FBXW10: variants seen among roughly 807,000 people sequenced by gnomAD.
FBXW10 encodes F-box/WD repeat-containing protein 10.
FBXW10 carries 68 observed loss-of-function variants against 113.1 expected under a neutral mutation model. That is an observed-to-expected ratio of 0.60 (90% confidence interval 0.49 to 0.74). The LOEUF is 0.74. FBXW10 is among the 30% of genes least tolerant of loss of function. The pLI is 0.00. For missense variants in FBXW10, 753 were observed against 1,284.5 expected, an observed-to-expected ratio of 0.59 and a Z score of 6.32; for synonymous variants, 289 against 481.6, an observed-to-expected ratio of 0.60 and a Z score of 5.24.
At chr17:18,771,944 C>A (rs2035621806) in intron 11 of FBXW10, among the ~76,000 whole-genome samples, 1 of 151,866 alleles carries the variant, frequency 6.6e-6, no homozygotes, top group South Asian at 2.1e-4. Flanking sequence ...CCTGTCGCTA[C>A]TAAAAACACA....
intron 12 of FBXW10, among the ~76,000 whole-genome samples, chr17:18,774,480 C>T (rs1003995191): frequency 5.9e-5 from 9 of 152,264 alleles, no homozygotes; most frequent in Non-Finnish European, 1.0e-4. Context: ...TTTGGTTGCA[C>T]GGTAGGATGA....
At position 18,778,451 on chromosome 17, in the gene FBXW10, A is replaced by T. The variant is rs1373308873; in HGVS notation, c.2336-24A>T. ...ATTTTTCATAGAACGCCGATTTTTT[A>T]AAATTTTCTTTTTTTTGAAAAAGCA... On this transcript the variant is annotated intron_variant, in intron 13 of 13. Transcript: ENST00000395665. The T allele has an allele frequency of 9.4e-6, 15 of 1,588,822 alleles. No individual in the cohort carries two copies. The Middle Eastern group carries it at 5.0e-4, about 53-fold the overall frequency.
At chr17:18,767,968 T>G (rs2035528971) in intron 9 of FBXW10, among the ~76,000 whole-genome samples, 1 of 152,188 alleles carries the variant, frequency 6.6e-6, no homozygotes. Context: ...CTATGTGGAA[T>G]GGACTCCATT....
intron 11 of FBXW10, among the ~76,000 whole-genome samples, chr17:18,770,598 G>A (rs1201409059): frequency 1.3e-5 from 2 of 152,048 alleles, no homozygotes; most frequent in African/African-American, 4.8e-5. Context: ...CACCACGCCC[G>A]GCCTGTTTTG....
chr17:18,758,493 A>T lies in FBXW10; in HGVS notation c.1421A>T (p.Asp474Val). Residue 474 changes from aspartate to valine, a missense_variant, in exon 7 of 14, where the codon GAC becomes GTC. By Grantham distance (152) the Asp-to-Val change is radical (BLOSUM62 -3). Coordinates refer to ENST00000395665, the MANE Select transcript of FBXW10 (RefSeq NM_001267585.2). ...AACTTTCTCCTAAGCGGGAGCTATG[A>T]CCTAAGTATCAGGTGAGGAGTCCAA... ...EENFLLSGSY[D>V]LSIRYWDLKS... 2.5e-6 allele frequency: 4 copies of T among 1,613,250 alleles called. No homozygotes were observed. Among genetic ancestry groups the T allele is most frequent in the Non-Finnish European group, 3.4e-6 (4 of 1,179,702 alleles).
chr17:18,765,893 A>AT (rs751234040), intron 8 of FBXW10, among the ~76,000 whole-genome samples: 138 of 143,362 alleles, frequency 9.6e-4, no homozygotes, highest in Admixed American at 3.1e-3. Context: ...CGCCCAGCTA[A>AT]TTTTTTTTTT....
intron 7 of FBXW10, among the ~76,000 whole-genome samples, chr17:18,759,651 C>T (rs773167803): frequency 2.7e-5 from 4 of 149,226 alleles, no homozygotes; most frequent in Non-Finnish European, 4.4e-5. Context: ...CTCACTGTGT[C>T]ACCCAGGCTG....
At chr17:18,774,416 C>T (rs758801435) in intron 12 of FBXW10, among the ~76,000 whole-genome samples, 2 of 152,172 alleles carry the variant, frequency 1.3e-5, no homozygotes, top group Non-Finnish European at 2.9e-5. Context: ...CGACAATAAA[C>T]AATATGGTGT....
rs1414182569 is a variant in FBXW10, at chr17:18,747,359, G to A, written c.506-582G>A. Among the ~76,000 whole-genome samples, 6 of 152,232 alleles carry A rather than the reference G, an allele frequency of 3.9e-5. No individual in the cohort carries two copies. In the East Asian group the frequency reaches 1.2e-3, roughly 29 times the overall value. On this transcript the variant is annotated intron_variant, in intron 1 of 13. Transcript: ENST00000395665. ...GTGGATCACCTGGAGTCAGGAGTTC[G>A]AGACGAGCCTGGCCAACATGGCGAA...
intron 13 of FBXW10, among the ~76,000 whole-genome samples, chr17:18,776,150 C>G (rs2035694419): frequency 6.6e-6 from 1 of 152,044 alleles, no homozygotes; most frequent in East Asian, 1.9e-4. Context: ...GAAACCCCAT[C>G]TCTACTAAAA....
intron 6 of FBXW10, among the ~76,000 whole-genome samples, chr17:18,757,273 T>C (rs1208973910): frequency 6.6e-6 from 1 of 152,172 alleles, no homozygotes. Flanking sequence ...AACCTCCACC[T>C]CCTGGGCTCA....
intron 6 of FBXW10, among the ~76,000 whole-genome samples, chr17:18,756,936 G>T (rs1304689362): frequency 6.6e-6 from 1 of 152,130 alleles, no homozygotes; most frequent in Non-Finnish European, 1.5e-5. Context: ...AGGCAAAGTT[G>T]AGTTTTTATG....
intron 1 of FBXW10, 34 bp from the exon 2 acceptor site, chr17:18,747,907 A>G (rs1171660258): frequency 6.2e-7 from 1 of 1,613,826 alleles, no homozygotes; most frequent in Non-Finnish European, 8.5e-7. Flanking sequence ...CACCCGCTTC[A>G]AGAGCAACCT....
At chr17:18,768,029 TCC>T (rs1235967315) in intron 9 of FBXW10, among the ~76,000 whole-genome samples, 7 of 63,854 alleles carry the variant, frequency 1.1e-4, no homozygotes, top group African/African-American at 3.5e-4. Flanking sequence ...CTTCCTTTCT[TCC>T]TTCCTTCCTT....
intron 9 of FBXW10, among the ~76,000 whole-genome samples, chr17:18,767,752 T>C (rs2035525056): frequency 6.6e-6 from 1 of 152,058 alleles, no homozygotes; most frequent in Non-Finnish European, 1.5e-5. Context: ...AATCCAGCGG[T>C]TGCAGGCACA....
At chr17:18,750,402 A>C (rs972147151) in intron 4 of FBXW10, among the ~76,000 whole-genome samples, 78 of 151,886 alleles carry the variant, frequency 5.1e-4, no homozygotes, top group Admixed American at 1.2e-3. Flanking sequence ...ACACCTCACA[A>C]AGCAGAGAAC....
In FBXW10 at chr17:18,778,643, G is replaced by A; in HGVS notation, c.2504G>A (p.Cys835Tyr). The A allele has an allele frequency of 6.2e-7, 1 of 1,613,806 alleles. No individual in the cohort carries two copies. Among genetic ancestry groups the A allele is most frequent in the South Asian group, 1.1e-5 (1 of 91,054 alleles). ...AHNSGEFAYP[C>Y]RPQTEITDVW... ...AATTCCGGGGAATTTGCCTATCCCT[G>A]TAGGCCCCAAACAGAAATTACTGAT... The change falls in exon 14 of 14, where the codon TGT becomes TAT. Residue 835 changes from cysteine (C) to tyrosine (Y), a missense_variant. By Grantham distance (194) the Cys-to-Tyr change is radical. Transcript: ENST00000395665.
At chr17:18,760,218 C>T (rs1458279420) in intron 7 of FBXW10, among the ~76,000 whole-genome samples, 1 of 152,114 alleles carries the variant, frequency 6.6e-6, no homozygotes, top group African/African-American at 2.4e-5. Context: ...TTTTAACTTT[C>T]CTGATTACTA....
chr17:18,752,069 A>G (rs2035181073), intron 5 of FBXW10, among the ~76,000 whole-genome samples: 1 of 152,194 alleles, frequency 6.6e-6, no homozygotes, highest in Non-Finnish European at 1.5e-5. Context: ...GTCGCTTCCC[A>G]TAAGGCAGCT....
Sources: allele counts gnomAD v4.1 joint callset (sites outside exome capture counted in the v4.1 genomes callset), GRCh38; gene constraint gnomAD v4.1.1; transcripts MANE v1.5; gene names NCBI Gene and HGNC (gene_info 2026-07-23, HGNC 2026-07-21).